GRM1: variants seen among roughly 807,000 people sequenced by gnomAD.
GRM1 encodes metabotropic glutamate receptor 1.
A neutral mutation model predicts 90.9 loss-of-function variants in GRM1; 33 were observed. That is an observed-to-expected ratio of 0.36 (90% CI 0.28 to 0.49). The LOEUF (loss-of-function observed/expected upper bound fraction) is 0.49, where lower values mean the gene tolerates loss of function less well. Ranked by LOEUF, GRM1 falls within the 20% of genes least tolerant of loss-of-function variation. The pLI, the probability that GRM1 is intolerant of heterozygous loss-of-function variation, is 0.99. For synonymous variants in GRM1, 700 were observed against 613.2 expected (o/e 1.14, Z -2.09); for missense variants, 1,190 against 1,534.3 (o/e 0.78, Z 3.75).
intron 5 of GRM1, among the ~76,000 whole-genome samples, chr6:146,379,064 C>T (rs1776217898): frequency 6.6e-6 from 1 of 152,144 alleles, no homozygotes; most frequent in South Asian, 2.1e-4. Context: ...TTATTGGCAG[C>T]ATGAGAACAG....
intron 1 of GRM1, among the ~76,000 whole-genome samples, chr6:146,139,087 G>A (rs557226056): frequency 1.3e-4 from 19 of 151,620 alleles, no homozygotes; most frequent in East Asian, 9.7e-4. Flanking sequence ...TTGACCCACC[G>A]GTCATTCAGG....
intron 1 of GRM1, among the ~76,000 whole-genome samples, chr6:146,121,273 C>T (rs1259672767): frequency 6.6e-6 from 1 of 152,152 alleles, no homozygotes; most frequent in Non-Finnish European, 1.5e-5. Flanking sequence ...TCTGGGGGAT[C>T]AGTGGTGCTA....
chr6:146,054,000 C>T (rs901844607), intron 1 of GRM1, among the ~76,000 whole-genome samples: 6 of 152,016 alleles, frequency 3.9e-5, no homozygotes, highest in Non-Finnish European at 8.8e-5. Context: ...TTGCTTCTGA[C>T]ATTTAATTAA....
chr6:146,360,650 C>T (rs1775433229), intron 5 of GRM1, among the ~76,000 whole-genome samples: 1 of 152,154 alleles, frequency 6.6e-6, no homozygotes, highest in South Asian at 2.1e-4. Context: ...TGGTTTTTCT[C>T]TTCTGCCTCC....
At chr6:146,408,592 TC>T (rs1777443562) in intron 7 of GRM1, among the ~76,000 whole-genome samples, 1 of 152,128 alleles carries the variant, frequency 6.6e-6, no homozygotes, top group South Asian at 2.1e-4. Flanking sequence ...AACATAAAAT[TC>T]GTAATTACCC....
At chr6:146,043,790 T>G (rs983052500) in intron 1 of GRM1, among the ~76,000 whole-genome samples, 1 of 130,926 alleles carries the variant, frequency 7.6e-6, no homozygotes, top group South Asian at 2.5e-4. Flanking sequence ...GTGATATATA[T>G]ATATATATAT....
intron 2 of GRM1, among the ~76,000 whole-genome samples, chr6:146,271,027 T>C (rs1416541009): frequency 2.7e-5 from 4 of 148,900 alleles, no homozygotes; most frequent in Middle Eastern, 3.2e-3. Context: ...TCTTTCAAGA[T>C]GAAGTCTCAC....
chr6:146,307,087 C>A (rs1466641306), intron 3 of GRM1, among the ~76,000 whole-genome samples: 1 of 152,136 alleles, frequency 6.6e-6, no homozygotes, highest in Non-Finnish European at 1.5e-5. Context: ...TAAAACTCTG[C>A]AACAAGGTAC....
intron 3 of GRM1, among the ~76,000 whole-genome samples, chr6:146,305,685 A>G (rs1783554544): frequency 6.6e-6 from 1 of 152,218 alleles, no homozygotes; most frequent in Non-Finnish European, 1.5e-5. Context: ...GAATCTATCC[A>G]TGACCTAATT....
intron 2 of GRM1, among the ~76,000 whole-genome samples, chr6:146,245,129 G>C (rs554734039): frequency 7.9e-5 from 12 of 152,224 alleles, no homozygotes; most frequent in African/African-American, 2.9e-4. Context: ...CTCCCAATGG[G>C]AGCAAGCAAA....
intron 1 of GRM1, among the ~76,000 whole-genome samples, chr6:146,119,130 A>T (rs1370054059): frequency 6.6e-6 from 1 of 152,174 alleles, no homozygotes; most frequent in Non-Finnish European, 1.5e-5. Flanking sequence ...AATGATCGCC[A>T]TTGTAACTGG....
chr6:146,393,301 T>C (rs993584995), intron 6 of GRM1, among the ~76,000 whole-genome samples: 3 of 152,314 alleles, frequency 2.0e-5, no homozygotes, highest in South Asian at 2.1e-4. Flanking sequence ...TGAGCTTTTT[T>C]TCATGTTTAT....
chr6:146,334,316 C>A (rs1784691861), intron 3 of GRM1, among the ~76,000 whole-genome samples: 1 of 152,236 alleles, frequency 6.6e-6, no homozygotes, highest in Non-Finnish European at 1.5e-5. Flanking sequence ...TCCAGTCTCT[C>A]TCATGTCCCA....
At chr6:146,302,312 A>T (rs1297184786) in intron 2 of GRM1, among the ~76,000 whole-genome samples, 1 of 149,346 alleles carries the variant, frequency 6.7e-6, no homozygotes, top group African/African-American at 2.5e-5. Flanking sequence ...AAGCAGGCAC[A>T]CGTGTCATAT....
intron 2 of GRM1, among the ~76,000 whole-genome samples, chr6:146,270,957 CTTTCTTTCTTTTTTTTTTCTCTCTCTCT>C (rs1782132793): frequency 1.1e-5 from 1 of 92,378 alleles, no homozygotes; most frequent in African/African-American, 7.1e-5. Flanking sequence ...TCCTTCCTTT[CTTTCTTTCTTTTTTTTTTCTCTCTCTCT>C]CTTTCTTTCC....
chr6:146,195,321 A>G (rs911541081), intron 2 of GRM1, among the ~76,000 whole-genome samples: 1 of 152,218 alleles, frequency 6.6e-6, no homozygotes, highest in Admixed American at 6.5e-5. Flanking sequence ...TTCATTTTCT[A>G]TTTTAGCCTT....
chr6:146,411,938 G>T (rs1777585417), intron 7 of GRM1, among the ~76,000 whole-genome samples: 1 of 152,126 alleles, frequency 6.6e-6, no homozygotes, highest in Admixed American at 6.5e-5. Flanking sequence ...CATTGGAAAT[G>T]GCCACAGATC....
intron 1 of GRM1, among the ~76,000 whole-genome samples, chr6:146,155,647 C>T (rs925743873): frequency 1.3e-5 from 2 of 152,050 alleles, no homozygotes; most frequent in Non-Finnish European, 2.9e-5. Flanking sequence ...ATAAGATCAC[C>T]CAGTAGCAGA....
Position 146,304,816 on chromosome 6 carries a change from G to C in GRM1, c.1156G>C (p.Glu386Gln), listed in dbSNP as rs1173574943. Reference sequence around the variant, plus strand: ...GTGCCGCCTTCCAGGACACCTTCTGGAAAATCCCAACTTTAAACGAATCTG... The same window carrying C: ...GTGCCGCCTTCCAGGACACCTTCTGCAAAATCCCAACTTTAAACGAATCTG... ...FQCRLPGHLL[E>Q]NPNFKRICTG... is the part of the protein sequence containing the mutation. The change falls in exon 3 of 8, where the codon GAA becomes CAA. Residue 386 changes from glutamate (E) to glutamine (Q), a missense_variant. Physicochemically the swap from Glu to Gln is conservative, Grantham distance 29 (BLOSUM62 2). Around this residue, in one of 10 missense-constraint regions of GRM1, gnomAD observed 414 missense variants for 598.4 expected, o/e 0.69. Coordinates refer to ENST00000282753, the MANE Select transcript of GRM1 (RefSeq NM_001278064.2). 1 of 1,613,440 alleles carries C rather than the reference G, an allele frequency of 6.2e-7. No homozygotes were observed. Among genetic ancestry groups the C allele is most frequent in the Non-Finnish European group, 8.5e-7 (1 of 1,179,646 alleles).
Sources: allele counts gnomAD v4.1 joint callset (sites outside exome capture counted in the v4.1 genomes callset), GRCh38; gene constraint gnomAD v4.1.1; regional missense constraint gnomAD v4.1.1; transcripts MANE v1.5; gene names NCBI Gene and HGNC (gene_info 2026-07-23, HGNC 2026-07-21).